CNGA3: variants seen among roughly 807,000 people sequenced by gnomAD.
The protein encoded by CNGA3 is cyclic nucleotide-gated channel alpha-3.
A neutral mutation model predicts 46.6 loss-of-function variants in CNGA3; 42 were observed. The ratio of observed to expected loss-of-function variants is 0.90; its 90% CI spans 0.70 to 1.17. The LOEUF (loss-of-function observed/expected upper bound fraction) is 1.17. Among genes scored for constraint, CNGA3 ranks in the 50% most tolerant of loss-of-function variants. CNGA3 has a pLI of 0.00. For missense variants in CNGA3, 893 were observed against 890.7 expected (o/e 1.00, Z -0.03); for synonymous variants, 394 against 369.4 (o/e 1.07, Z -0.76).
At chr2:98,378,265 A>G in intron 3 of CNGA3, 1 of 1,517,434 alleles carries the variant, frequency 6.6e-7, no homozygotes, top group Non-Finnish European at 8.9e-7. Flanking sequence ...GATTAGTGAG[A>G]CTCCAAGCTC....
Position 98,381,860 on chromosome 2 carries a change from A to T in CNGA3, c.395+1506A>T, listed in dbSNP as rs145544390. 9.3e-4 allele frequency among the ~76,000 whole-genome samples: 142 copies of T among 152,350 alleles called. 4 individuals are homozygous for T. In the East Asian group the frequency reaches 0.023, roughly 25 times the overall value. ...GACAGAAAGATAAGGAGGCAGGCAG[A>T]TAAGAAAGAGGACAAAGTGGGGAAA... On this transcript the variant is annotated intron_variant, in intron 4 of 7. Coordinates refer to ENST00000272602, the MANE Select transcript of CNGA3 (RefSeq NM_001298.3).
intron 5 of CNGA3, among the ~76,000 whole-genome samples, chr2:98,386,915 G>C (rs763124238): frequency 6.6e-6 from 1 of 152,152 alleles, no homozygotes; most frequent in Non-Finnish European, 1.5e-5. Flanking sequence ...TCAGAGCCCC[G>C]CCTAGAGACT....
chr2:98,396,088 G>A lies in CNGA3; in HGVS notation c.918G>A (p.Leu306=). The change falls in exon 8 of 8, where the codon TTG becomes TTA. Residue 306 remains leucine (L), a synonymous_variant. Coordinates refer to ENST00000272602, the MANE Select transcript of CNGA3 (RefSeq NM_001298.3). ...CCAATATGTTCAGGATTGGGAACTT[G>A]GTCTTGTACATTCTCATCATCATCC... ...NYPNMFRIGN[L]VLYILIIIHW... 1.2e-6 allele frequency: 2 copies of A among 1,614,140 alleles called. No individual in the cohort carries two copies. Among genetic ancestry groups the A allele is most frequent in the Non-Finnish European group, 1.7e-6 (2 of 1,180,028 alleles).
intron 7 of CNGA3, among the ~76,000 whole-genome samples, chr2:98,392,598 A>AG (rs1553450281): frequency 0.028 from 4,276 of 150,850 alleles, 205 homozygotes; most frequent in African/African-American, 0.1. Flanking sequence ...AGAAAAGAAA[A>AG]AAAAAGAAAA....
intron 3 of CNGA3, 182 bp from the exon 4 acceptor site, chr2:98,379,993 A>C: frequency 1.5e-6 from 1 of 683,388 alleles, no homozygotes; most frequent in Non-Finnish European, 2.6e-6. Flanking sequence ...CCCATGGGGC[A>C]GAGATGCAAA....
chr2:98,395,370 A>T (rs910342917), intron 7 of CNGA3, among the ~76,000 whole-genome samples: 5 of 151,886 alleles, frequency 3.3e-5, no homozygotes, highest in African/African-American at 1.2e-4. Flanking sequence ...GGGTTTCACC[A>T]TGTTGCCCAG....
chr2:98,363,093 C>T (rs1692069550), intron 1 of CNGA3, among the ~76,000 whole-genome samples: 1 of 152,138 alleles, frequency 6.6e-6, no homozygotes, highest in Non-Finnish European at 1.5e-5. Context: ...CATGATGCCT[C>T]CAGCTTTGTT....
chr2:98,375,709 C>T (rs1015216312), intron 2 of CNGA3, among the ~76,000 whole-genome samples: 1 of 152,206 alleles, frequency 6.6e-6, no homozygotes, highest in African/African-American at 2.4e-5. Context: ...AGCAATGTCT[C>T]TAGTGGCATG....
At position 98,396,926 on chromosome 2, in the gene CNGA3, G is replaced by C; in HGVS notation, c.1756G>C (p.Glu586Gln). The C allele has an allele frequency of 7.4e-6, 12 of 1,614,150 alleles. No homozygotes were observed. The highest frequency in any genetic ancestry group is 1.0e-5 in the Non-Finnish European group (12 of 1,180,036). Residue 586 changes from glutamate (E) to glutamine (Q), a missense_variant, in exon 8 of 8, where the codon GAG becomes CAG. Glu to Gln is a conservative substitution (Grantham distance 29, BLOSUM62 2). Around this residue, in one of 3 missense-constraint regions of CNGA3, gnomAD observed 548 missense variants for 570.8 expected, o/e 0.96. Coordinates refer to ENST00000272602, the MANE Select transcript of CNGA3 (RefSeq NM_001298.3). ...CTGCCTCTCAAAGGACGATCTCATG[G>C]AGGCCCTCACCGAGTACCCCGAAGC... ...LFCLSKDDLM[E>Q]ALTEYPEAKK...
intron 2 of CNGA3, among the ~76,000 whole-genome samples, chr2:98,376,440 T>G (rs964030831): frequency 6.6e-6 from 1 of 151,768 alleles, no homozygotes; most frequent in Admixed American, 6.6e-5. Context: ...CTCCCGGTGG[T>G]TCCAGCAGAA....
At chr2:98,370,198 G>A (rs1287483676) in intron 2 of CNGA3, 122 bp downstream of exon 2, 4 of 775,202 alleles carry the variant, frequency 5.2e-6, no homozygotes, top group Non-Finnish European at 6.7e-6. Flanking sequence ...GGGCAGGGGA[G>A]GTATTCACAG....
At chr2:98,371,755 C>T (rs3769756) in intron 2 of CNGA3, among the ~76,000 whole-genome samples, 65,912 of 152,036 alleles carry the variant, frequency 0.43, 14,410 homozygotes, top group Admixed American at 0.5. Flanking sequence ...ACTATTAGGA[C>T]CTTGAAACGT....
rs571806045 is a variant in CNGA3 at position 98,378,114 on chromosome 2, G to A, written c.215+314G>A. 49 of 1,550,924 alleles carry A rather than the reference G, an allele frequency of 3.2e-5. No homozygotes were observed. The East Asian group carries it at 7.1e-4, about 22-fold the overall frequency. ...GAGAAGGTGGTAAGAGCAGCCAGCC[G>A]TGGGAGACCTTTGATTGGGTGGACA... On this transcript the variant is annotated intron_variant, in intron 3 of 7. Transcript: ENST00000272602.
intron 4 of CNGA3, among the ~76,000 whole-genome samples, chr2:98,380,690 T>C (rs1692517189): frequency 6.6e-6 from 1 of 152,274 alleles, no homozygotes; most frequent in Middle Eastern, 3.4e-3. Context: ...TACCTATCTC[T>C]CTTCACCAAG....
At chr2:98,391,343 G>A (rs1015673381) in intron 6 of CNGA3, among the ~76,000 whole-genome samples, 4 of 152,218 alleles carry the variant, frequency 2.6e-5, no homozygotes, top group East Asian at 1.9e-4. Context: ...GCTTTGGGGC[G>A]CTGAGCAAGC....
chr2:98,372,185 G>A (rs933803963), intron 2 of CNGA3, among the ~76,000 whole-genome samples: 2 of 152,230 alleles, frequency 1.3e-5, no homozygotes, highest in East Asian at 1.9e-4. Flanking sequence ...TGACAGCACC[G>A]TGGTCCTGCT....
At chr2:98,357,887 A>G (rs1271925986) in intron 1 of CNGA3, among the ~76,000 whole-genome samples, 1 of 152,192 alleles carries the variant, frequency 6.6e-6, no homozygotes, top group African/African-American at 2.4e-5. Flanking sequence ...TACATTTCCA[A>G]TCTCCTGCAG....
intron 2 of CNGA3, among the ~76,000 whole-genome samples, chr2:98,377,077 T>C (rs118080454): frequency 6.6e-6 from 1 of 152,154 alleles, no homozygotes; most frequent in Admixed American, 6.5e-5. Flanking sequence ...GGAGTCTCAT[T>C]TGAAAGCACT....
intron 1 of CNGA3, among the ~76,000 whole-genome samples, chr2:98,351,781 G>A (rs1449841353): frequency 6.6e-6 from 1 of 152,078 alleles, no homozygotes; most frequent in Non-Finnish European, 1.5e-5. Flanking sequence ...TGTTTCATGA[G>A]TTTCTTGTAG....
Sources: allele counts gnomAD v4.1 joint callset (sites outside exome capture counted in the v4.1 genomes callset), GRCh38; gene constraint gnomAD v4.1.1; regional missense constraint gnomAD v4.1.1; transcripts MANE v1.5; gene names NCBI Gene and HGNC (gene_info 2026-07-23, HGNC 2026-07-21).